The following COMMD9 variants were observed in gnomAD, a reference collection of about 807,000 sequenced individuals.
COMMD9 encodes COMM domain-containing protein 9.
COMMD9 carries 22 observed loss-of-function variants against 23.4 expected under a neutral mutation model. The ratio of observed to expected loss-of-function variants is 0.94; its 90% CI spans 0.67 to 1.34. The LOEUF (loss-of-function observed/expected upper bound fraction) is 1.34. Ranked by LOEUF, COMMD9 falls within the 40% of genes most tolerant of loss-of-function variation. The probability of loss-of-function intolerance (pLI) is 0.00; values close to 1 mark genes in which losing one functional copy is unlikely to be tolerated. For missense variants in COMMD9, 231 were observed against 240.2 expected (o/e 0.96, Z 0.25); for synonymous variants, 99 against 97.4 (o/e 1.02, Z -0.10).
intron 1 of COMMD9, among the ~76,000 whole-genome samples, chr11:36,289,075 C>A (rs1856221993): frequency 6.6e-6 from 1 of 152,136 alleles, no homozygotes; most frequent in South Asian, 2.1e-4. Context: ...ATTACCACTT[C>A]AATGCACCAA....
chr11:36,281,152 TC>T (rs1856059703), intron 1 of COMMD9, among the ~76,000 whole-genome samples: 2 of 151,920 alleles, frequency 1.3e-5, no homozygotes, highest in African/African-American at 4.8e-5. Flanking sequence ...GCTTCATATA[TC>T]CCAGACTTTC....
rs867416366 is a variant in COMMD9, at chr11:36,289,404, G to A, written c.9C>T (p.Ala3=). MA[A]LTAEHFAALQ... is the part of the protein sequence containing the mutation. ...GTGCTGCAAAATGCTCCGCTGTCAG[G>A]GCAGCCATCTTGCCGAAGTCACATG... The change falls in exon 1 of 6, where the codon GCC becomes GCT. Residue 3 remains alanine, a synonymous_variant. Coordinates refer to ENST00000263401, the MANE Select transcript of COMMD9 (RefSeq NM_014186.4). The A allele has an allele frequency of 6.4e-7, 1 of 1,551,980 alleles. No homozygotes were observed. Among genetic ancestry groups the A allele is most frequent in the Non-Finnish European group, 8.7e-7 (1 of 1,147,156 alleles).
intron 1 of COMMD9, 116 bp from the exon 2 acceptor site, chr11:36,280,953 A>G (rs962792941): frequency 2.8e-6 from 3 of 1,090,866 alleles, no homozygotes; most frequent in African/African-American, 3.1e-5. Context: ...TTAAAGGTAC[A>G]TAAGACTTTG....
chr11:36,280,860 G>GA (rs368958974), intron 1 of COMMD9, 23 bp from the exon 2 acceptor site: 46,191 of 1,108,906 alleles, frequency 0.042, 4 homozygotes, highest in East Asian at 0.059. Context: ...TCACAGATAG[G>GA]AAAAAAAAAA....
intron 5 of COMMD9, among the ~76,000 whole-genome samples, chr11:36,275,091 T>C (rs112258898): frequency 1.5e-3 from 222 of 152,358 alleles, no homozygotes; most frequent in South Asian, 8.7e-3. Context: ...TGTGTTTACA[T>C]TGGTACTTTA....
chr11:36,282,194 C>G (rs1449214503), intron 1 of COMMD9, among the ~76,000 whole-genome samples: 2 of 151,976 alleles, frequency 1.3e-5, no homozygotes, highest in Non-Finnish European at 2.9e-5. Context: ...CATTGGAGTC[C>G]TGGAAGGAGA....
In COMMD9 at chr11:36,274,587, T is replaced by C. The variant is rs1052236697; in HGVS notation, c.*45A>G. 6 of 1,612,248 alleles carry C rather than the reference T, an allele frequency of 3.7e-6. No homozygotes were observed. In the Admixed American group the frequency reaches 8.3e-5, roughly 22 times the overall value. ...CTGCATATGGGGAGACATTTATCAC[T>C]CATGAGCAGCTGGGTCATGGCAGTG... On this transcript the variant is annotated 3_prime_UTR_variant, in exon 6 of 6. Transcript: ENST00000263401.
In COMMD9 at chr11:36,274,565, C is replaced by T; in HGVS notation, c.*67G>A. 4 of 1,595,404 alleles carry T rather than the reference C, an allele frequency of 2.5e-6. No individual in the cohort carries two copies. The highest frequency in any genetic ancestry group is 3.4e-6 in the Non-Finnish European group (4 of 1,167,302). Reference sequence around the variant, plus strand: ...CAGCTGCAGCTGCAAGGGCAGCCTGCATATGGGGAGACATTTATCACTCAT... The same window carrying T: ...CAGCTGCAGCTGCAAGGGCAGCCTGTATATGGGGAGACATTTATCACTCAT... On this transcript the variant is annotated 3_prime_UTR_variant, in exon 6 of 6. Coordinates refer to ENST00000263401, the MANE Select transcript of COMMD9 (RefSeq NM_014186.4).
chr11:36,279,505 A>G (rs1392376118), intron 2 of COMMD9, among the ~76,000 whole-genome samples: 4 of 152,196 alleles, frequency 2.6e-5, no homozygotes, highest in Non-Finnish European at 1.5e-5. Context: ...TCCACCAGTG[A>G]GAGTGGGTGT....
At chr11:36,281,423 C>T (rs1036624674) in intron 1 of COMMD9, among the ~76,000 whole-genome samples, 2 of 152,198 alleles carry the variant, frequency 1.3e-5, no homozygotes, top group Non-Finnish European at 2.9e-5. Flanking sequence ...GGTACCCCAA[C>T]ATTCCTGCTG....
chr11:36,288,983 C>T (rs562030947), intron 1 of COMMD9, among the ~76,000 whole-genome samples: 1 of 152,052 alleles, frequency 6.6e-6, no homozygotes, highest in South Asian at 2.1e-4. Context: ...GCTGGGCAGA[C>T]GCAGTAGGAG....
In COMMD9 at chr11:36,280,762, A is replaced by G; in HGVS notation, c.127T>C (p.Leu43=). The G allele has an allele frequency of 6.2e-7, 1 of 1,610,982 alleles. No homozygotes were observed. Among genetic ancestry groups the G allele is most frequent in the Non-Finnish European group, 8.5e-7 (1 of 1,177,914 alleles). The part of the protein sequence containing the change: ...SSSALGLKKL[L]DVTCSSLSVT... ...GACAAGCTGGAACATGTAACATCCA[A>G]GAGTTTTTTCAAGCCAAGGGCTGAA... is the stretch of plus-strand genomic sequence containing the variant. Residue 43 remains leucine, a synonymous_variant, in exon 2 of 6, where the codon TTG becomes CTG. Transcript: ENST00000263401.
chr11:36,283,364 T>C (rs553360848), intron 1 of COMMD9, among the ~76,000 whole-genome samples: 3 of 152,206 alleles, frequency 2.0e-5, no homozygotes, highest in Non-Finnish European at 4.4e-5. Context: ...AAGCAAAAAA[T>C]ATAATATATC....
intron 5 of COMMD9, 61 bp downstream of exon 5, chr11:36,276,076 G>T: frequency 1.7e-6 from 2 of 1,211,848 alleles, no homozygotes; most frequent in Non-Finnish European, 1.2e-6. Context: ...TTGGAGACTA[G>T]TGTTTTAGAC....
At chr11:36,286,698 A>C (rs575448706) in intron 1 of COMMD9, among the ~76,000 whole-genome samples, 1 of 152,328 alleles carries the variant, frequency 6.6e-6, no homozygotes, top group Non-Finnish European at 1.5e-5. Context: ...ACACAGTACA[A>C]CACTGTTGGA....
At position 36,278,602 on chromosome 11, in the gene COMMD9, C is replaced by T; in HGVS notation, c.192G>A (p.Leu64=). ...QEEAEELLQA[L]HRLTRLVAFR... is the part of the protein sequence containing the mutation. ...ATGCCACCAGCCTAGTGAGGCGGTGCAGAGCCTGGAGCAGCTGCAAGATAA... is the reference window on the plus strand; with the variant it reads ...ATGCCACCAGCCTAGTGAGGCGGTGTAGAGCCTGGAGCAGCTGCAAGATAA... Residue 64 remains leucine, a synonymous_variant, in exon 3 of 6, where the codon CTG becomes CTA. Transcript: ENST00000263401. 5 of 1,613,970 alleles carry T rather than the reference C, an allele frequency of 3.1e-6. No individual in the cohort carries two copies. Among genetic ancestry groups the T allele is most frequent in the Non-Finnish European group, 2.5e-6 (3 of 1,179,974 alleles).
intron 1 of COMMD9, among the ~76,000 whole-genome samples, chr11:36,281,598 C>T (rs1009573285): frequency 2.6e-5 from 4 of 152,208 alleles, no homozygotes; most frequent in Admixed American, 2.6e-4. Context: ...CAACAGATGC[C>T]AAGTGGGGAA....
At chr11:36,283,535 T>C (rs1019114804) in intron 1 of COMMD9, among the ~76,000 whole-genome samples, 4 of 152,058 alleles carry the variant, frequency 2.6e-5, no homozygotes, top group Non-Finnish European at 5.9e-5. Context: ...AATGTAGTAA[T>C]TAGGGCAACC....
Position 36,273,216 on chromosome 11 carries a change from C to T in COMMD9, c.*1416G>A, listed in dbSNP as rs1207644679. Reference sequence around the variant, plus strand: ...ACCTTGGCTGCCTGACTCCTGACAGCATATTCTTAATCTGTGGATTTACCT... The same window carrying T: ...ACCTTGGCTGCCTGACTCCTGACAGTATATTCTTAATCTGTGGATTTACCT... On this transcript the variant is annotated 3_prime_UTR_variant, in exon 6 of 6. Transcript: ENST00000263401. 6.6e-6 allele frequency: 1 copy of T among 152,150 alleles called. No individual in the cohort carries two copies. The highest frequency in any genetic ancestry group is 2.4e-5 in the African/African-American group (1 of 41,424). The allele number at this position is 152,150 out of a possible 1,614,324, so 9.4% of individuals were successfully genotyped here.
Sources: gnomAD v4.1 joint callset for allele counts (sites outside exome capture counted in the v4.1 genomes callset) on GRCh38, gnomAD v4.1.1 for gene constraint, MANE v1.5 for transcripts, NCBI Gene and HGNC (gene_info 2026-07-23, HGNC 2026-07-21) for gene names.